Variants in KIF13A observed in about 807,000 individuals in gnomAD.
KIF13A encodes the protein kinesin family member 13A, also known as kinesin-like protein KIF13A.
A neutral mutation model predicts 212.2 loss-of-function variants in KIF13A; 79 were observed. The observed-to-expected ratio is 0.37, with a 90% CI of 0.31 to 0.45. KIF13A has a LOEUF of 0.45. KIF13A is among the 20% of genes least tolerant of loss of function. The probability of loss-of-function intolerance (pLI) is 1.00; values close to 1 mark genes in which losing one functional copy is unlikely to be tolerated. For synonymous variants in KIF13A, 789 were observed against 808.6 expected, an observed-to-expected ratio of 0.98 and a Z score of 0.41; for missense variants, 1,901 against 2,209.0, an observed-to-expected ratio of 0.86 and a Z score of 2.79.
In KIF13A at chr6:17,982,438, G is replaced by A. The variant is rs1329495617; in HGVS notation, c.146+4616C>T. 1.0e-6 allele frequency: 1 copy of A among 984,590 alleles called. No individual in the cohort carries two copies. Among genetic ancestry groups the A allele is most frequent in the East Asian group, 1.1e-4 (1 of 8,810 alleles). 61.0% of individuals were successfully genotyped at this position (984,590 alleles called of 1,614,324 possible). ...ATTTTAGATTTCAGATGTTCAGACA[G>A]GGATACCGCTGGTGAATAAACTAAA... On this transcript the variant is annotated intron_variant, in intron 2 of 38. Coordinates refer to ENST00000259711, the MANE Select transcript of KIF13A (RefSeq NM_022113.6). The surrounding 1 kb of genome is among the most constrained non-coding windows in gnomAD (Gnocchi z 5.1).
chr6:17,859,638 A>ATATATATATATATATATATTTTTTTTTTT (rs1461455926), intron 4 of KIF13A, among the ~76,000 whole-genome samples: 1 of 111,858 alleles, frequency 8.9e-6, no homozygotes, highest in African/African-American at 3.5e-5. Flanking sequence ...ATATATATAT[A>ATATATATATATATATATATTTTTTTTTTT]TTTTTTTTTT....
Position 17,764,510 on chromosome 6 carries a change from C to T in KIF13A, c.5018G>A (p.Ser1673Asn), listed in dbSNP as rs985719006. ...KIIVVPLKENSALAKGSPSSQ... is the reference protein window; with the variant it reads ...KIIVVPLKENNALAKGSPSSQ... ...TGATGGGCTCCCTTTGGCTAAGGCA[C>T]TGTTTTCCTTGAGTGGCACCACAAT... The change falls in exon 39 of 39, where the codon AGT becomes AAT. Residue 1673 changes from serine to asparagine, a missense_variant. Coordinates refer to ENST00000259711, the MANE Select transcript of KIF13A (RefSeq NM_022113.6). This position sits in a 1 kb window ranked among gnomAD's most constrained non-coding sequence, Gnocchi z 5.1. 2.5e-6 allele frequency: 4 copies of T among 1,614,030 alleles called. No homozygotes were observed. The highest frequency in any genetic ancestry group is 3.4e-6 in the Non-Finnish European group (4 of 1,179,900).
In KIF13A at chr6:17,912,675, T is replaced by G. The variant is rs537833303; in HGVS notation, c.147-14495A>C. Among the ~76,000 whole-genome samples the G allele has an allele frequency of 1.3e-5, 2 of 152,226 alleles. No individual in the cohort carries two copies. Among genetic ancestry groups the G allele is most frequent in the Non-Finnish European group, 2.9e-5 (2 of 68,040 alleles). ...TCCATCTCTGACTTCATGTTTGTTT[T>G]TAAAACTATCTTACAGTAAGTCTAT... On this transcript the variant is annotated intron_variant, in intron 2 of 38. Transcript: ENST00000259711. The surrounding 1 kb of genome is among the most constrained non-coding windows in gnomAD (Gnocchi z 4.2).
intron 29 of KIF13A, 30 bp from the exon 30 acceptor site, chr6:17,781,331 G>T (rs780593448): frequency 5.2e-5 from 79 of 1,527,000 alleles, no homozygotes; most frequent in Non-Finnish European, 4.9e-5. Flanking sequence ...AGAAAAAACA[G>T]TAGGGGAAAG....
intron 26 of KIF13A, among the ~76,000 whole-genome samples, chr6:17,788,240 C>A (rs1395752251): frequency 6.6e-6 from 1 of 152,068 alleles, no homozygotes; most frequent in Non-Finnish European, 1.5e-5. Context: ...ATGAACAGAG[C>A]CCAAACCAAG....
intron 17 of KIF13A, among the ~76,000 whole-genome samples, chr6:17,813,948 CTTTTTTTTT>C (rs36144211): frequency 1.1e-5 from 1 of 90,716 alleles, no homozygotes; most frequent in Non-Finnish European, 2.1e-5. Context: ...TAAGGTGCTG[CTTTTTTTTT>C]TTTTTTTTTT....
intron 2 of KIF13A, among the ~76,000 whole-genome samples, chr6:17,935,874 A>C (rs1342838594): frequency 6.6e-6 from 1 of 152,188 alleles, no homozygotes; most frequent in African/African-American, 2.4e-5. Context: ...ATAAAATCTG[A>C]TGGTTTGATT....
intron 2 of KIF13A, among the ~76,000 whole-genome samples, chr6:17,907,842 T>C (rs926030826): frequency 6.6e-6 from 1 of 152,206 alleles, no homozygotes; most frequent in Non-Finnish European, 1.5e-5. Context: ...TTGACTGCCA[T>C]GATGACTCAG....
At position 17,912,973 on chromosome 6, in the gene KIF13A, G is replaced by T. The variant is rs1413177657; in HGVS notation, c.147-14793C>A. Among the ~76,000 whole-genome samples, 1 of 151,336 alleles carries T rather than the reference G, an allele frequency of 6.6e-6. No individual in the cohort carries two copies. The highest frequency in any genetic ancestry group is 2.4e-5 in the African/African-American group (1 of 41,144). Reference sequence around the variant, plus strand: ...CTAATTATTTTTATTTTTTATACGAGATAGGGTCTCACTATATTGCTCAGG... The same window carrying T: ...CTAATTATTTTTATTTTTTATACGATATAGGGTCTCACTATATTGCTCAGG... On this transcript the variant is annotated intron_variant, in intron 2 of 38. Coordinates refer to ENST00000259711, the MANE Select transcript of KIF13A (RefSeq NM_022113.6). This position sits in a 1 kb window ranked among gnomAD's most constrained non-coding sequence, Gnocchi z 4.2.
intron 3 of KIF13A, among the ~76,000 whole-genome samples, chr6:17,878,638 A>T (rs1313563796): frequency 1.3e-5 from 2 of 152,158 alleles, no homozygotes; most frequent in Admixed American, 6.5e-5. Flanking sequence ...AGACATTTAC[A>T]TTCATAGTAA....
intron 3 of KIF13A, among the ~76,000 whole-genome samples, chr6:17,879,068 T>A (rs1379401271): frequency 6.6e-6 from 1 of 152,174 alleles, no homozygotes; most frequent in Non-Finnish European, 1.5e-5. Context: ...TCCCTAAAAC[T>A]CAAAGCAAGT....
chr6:17,939,883 A>G (rs1776797475), intron 2 of KIF13A, among the ~76,000 whole-genome samples: 1 of 151,908 alleles, frequency 6.6e-6, no homozygotes, highest in Non-Finnish European at 1.5e-5. Flanking sequence ...TACTAAAAAT[A>G]CAAAAAATTA....
intron 2 of KIF13A, among the ~76,000 whole-genome samples, chr6:17,939,457 G>C (rs1452778029): frequency 2.0e-5 from 3 of 152,200 alleles, no homozygotes; most frequent in African/African-American, 7.2e-5. Context: ...TTTAGAGTCT[G>C]AGAATCTGAC....
chr6:17,976,521 C>G (rs1780509974), intron 2 of KIF13A, among the ~76,000 whole-genome samples: 1 of 152,214 alleles, frequency 6.6e-6, no homozygotes, highest in African/African-American at 2.4e-5. Flanking sequence ...AGAACTCCAG[C>G]TGGCCCGCAA....
At chr6:17,842,029 GTGTGTA>G (rs1457958491) in intron 9 of KIF13A, among the ~76,000 whole-genome samples, 5 of 138,208 alleles carry the variant, frequency 3.6e-5, no homozygotes, top group Admixed American at 7.2e-5. Flanking sequence ...GTGTGTGTGT[GTGTGTA>G]TACACTTATA....
At position 17,871,803 on chromosome 6, in the gene KIF13A, T is replaced by C. The variant is rs1770039613; in HGVS notation, c.220+1574A>G. ...AGAAGAGCTCCAGTTCAGGAAGATA[T>C]ATATGGCTGCATCTTGAGTAACATA... On this transcript the variant is annotated intron_variant, in intron 4 of 38. Transcript: ENST00000259711. The surrounding 1 kb of genome is among the most constrained non-coding windows in gnomAD (Gnocchi z 4.4). Among the ~76,000 whole-genome samples, 2 of 152,224 alleles carry C rather than the reference T, an allele frequency of 1.3e-5. No homozygotes were observed. The highest frequency in any genetic ancestry group is 4.8e-5 in the African/African-American group (2 of 41,460).
At chr6:17,857,974 A>C (rs1402694919) in intron 4 of KIF13A, among the ~76,000 whole-genome samples, 1 of 152,100 alleles carries the variant, frequency 6.6e-6, no homozygotes, top group African/African-American at 2.4e-5. Flanking sequence ...ATAAACCCCC[A>C]ACACCCACAT....
At chr6:17,833,932 A>G in intron 12 of KIF13A, 29 bp downstream of exon 12, 1 of 1,195,860 alleles carries the variant, frequency 8.4e-7, no homozygotes, top group Non-Finnish European at 1.2e-6. Flanking sequence ...AAAGAATCCC[A>G]ATATTTTAGG....
At chr6:17,765,505 CATTCTT>C (rs370442467) in intron 38 of KIF13A, among the ~76,000 whole-genome samples, 99 of 152,296 alleles carry the variant, frequency 6.5e-4, no homozygotes, top group Middle Eastern at 3.4e-3. Context: ...TTTCAACACT[CATTCTT>C]ATATTATGCT....
Sources: allele counts gnomAD v4.1 joint callset (sites outside exome capture counted in the v4.1 genomes callset), GRCh38; gene constraint gnomAD v4.1.1; non-coding constraint Gnocchi (gnomAD v3.1); transcripts MANE v1.5; gene names NCBI Gene and HGNC (gene_info 2026-07-23, HGNC 2026-07-21).